DIXDC1: variants seen among roughly 807,000 people sequenced by gnomAD.
DIXDC1 encodes dixin.
Under a neutral mutation model 103.1 loss-of-function variants are expected in DIXDC1, and 64 were observed. That is an observed-to-expected ratio of 0.62 (90% confidence interval 0.51 to 0.76). DIXDC1 has a LOEUF of 0.76. Among genes scored for constraint, DIXDC1 ranks in the 30% least tolerant of loss-of-function variants. The pLI, the probability that DIXDC1 is intolerant of heterozygous loss-of-function variation, is 0.00. For synonymous variants in DIXDC1, 266 were observed against 298.5 expected (o/e 0.89, Z 1.12); for missense variants, 759 against 834.2 (o/e 0.91, Z 1.11).
chr11:111,945,592 T>G (rs1385236151), intron 1 of DIXDC1: 2 of 150,432 alleles, frequency 1.3e-5, no homozygotes, highest in East Asian at 3.9e-4. Flanking sequence ...TCCAGGGTCA[T>G]AATCAAAATA....
intron 9 of DIXDC1, among the ~76,000 whole-genome samples, chr11:111,987,205 G>A (rs868994665): frequency 4.0e-5 from 6 of 151,406 alleles, no homozygotes; most frequent in Non-Finnish European, 7.4e-5. Flanking sequence ...AGCAGAGATC[G>A]TGCCACTACA....
chr11:111,937,604 G>A (rs587755444), intron 1 of DIXDC1, 45 bp downstream of exon 1: 3 of 1,547,466 alleles, frequency 1.9e-6, no homozygotes, highest in Non-Finnish European at 2.6e-6. Flanking sequence ...CTCCCCCAGC[G>A]TCTCCCGCCC....
chr11:112,009,608 A>T (rs1415669905), intron 17 of DIXDC1, among the ~76,000 whole-genome samples: 1 of 152,202 alleles, frequency 6.6e-6, no homozygotes, highest in Admixed American at 6.5e-5. Context: ...AAGCTTATCC[A>T]CCACAATCAA....
Position 112,022,646 on chromosome 11 carries a change from T to G in DIXDC1, c.*3610T>G, listed in dbSNP as rs1005980525. ...ATTAATCAATAAAGCCATTTACATT[T>G]AGTGAAAGCAAATTTCCTCAAGTGA... On this transcript the variant is annotated 3_prime_UTR_variant, in exon 20 of 20. Coordinates refer to ENST00000440460, the MANE Select transcript of DIXDC1 (RefSeq NM_001037954.4). This position sits in a 1 kb window ranked among gnomAD's most constrained non-coding sequence, Gnocchi z 4.9. The G allele has an allele frequency of 6.6e-6, 1 of 152,670 alleles. No individual in the cohort carries two copies. The highest frequency in any genetic ancestry group is 1.5e-5 in the Non-Finnish European group (1 of 68,038). The allele number at this position is 152,670 out of a possible 1,614,324, so 9.5% of individuals were successfully genotyped here. A position where few individuals can be genotyped will look rare whatever the true frequency, so the allele number is the denominator to read the frequency against.
intron 17 of DIXDC1, among the ~76,000 whole-genome samples, chr11:112,005,954 G>A (rs1179365053): frequency 2.6e-5 from 4 of 152,164 alleles, no homozygotes; most frequent in South Asian, 2.1e-4. Context: ...TGTAGCCCAC[G>A]GAGGGTGAAC....
chr11:112,000,403 A>T (rs937707192), intron 17 of DIXDC1, among the ~76,000 whole-genome samples: 16 of 152,146 alleles, frequency 1.1e-4, no homozygotes, highest in Admixed American at 1.0e-3. Flanking sequence ...TCCAAAGAAG[A>T]TAAAGAAATG....
upstream of DIXDC1, chr11:111,937,127 CGGG>C (rs1966220377): frequency 2.0e-6 from 1 of 502,566 alleles, no homozygotes; most frequent in African/African-American, 7.8e-5. Context: ...TGCTGCGGCC[CGGG>C]CGGGGGGGGG....
At chr11:112,005,605 G>C (rs2137616190) in intron 17 of DIXDC1, among the ~76,000 whole-genome samples, 1 of 152,292 alleles carries the variant, frequency 6.6e-6, no homozygotes, top group African/African-American at 2.4e-5. Context: ...GGCTGAGGCA[G>C]GAGGATCACT....
At chr11:111,994,850 G>A (rs1034385474) in intron 14 of DIXDC1, among the ~76,000 whole-genome samples, 169 bp from the exon 15 acceptor site, 1 of 151,570 alleles carries the variant, frequency 6.6e-6, no homozygotes, top group Non-Finnish European at 1.5e-5. Context: ...GTGACCAAAA[G>A]GGGAAAAAAA....
rs944390878 is a variant in DIXDC1, at chr11:111,958,991, C to A, written c.61-5558C>A. Among the ~76,000 whole-genome samples, 3 of 152,084 alleles carry A rather than the reference C, an allele frequency of 2.0e-5. No homozygotes were observed. Among genetic ancestry groups the A allele is most frequent in the Non-Finnish European group, 4.4e-5 (3 of 68,002 alleles). On this transcript the variant is annotated intron_variant, in intron 1 of 19. Coordinates refer to ENST00000440460, the MANE Select transcript of DIXDC1 (RefSeq NM_001037954.4). This position sits in a 1 kb window ranked among gnomAD's most constrained non-coding sequence, Gnocchi z 4.2. Reference sequence around the variant, plus strand: ...ACTCTGCTGAGAGCTGAACACTCATCGGGACACCCTGGCTGTGGAGATGAG... The same window carrying A: ...ACTCTGCTGAGAGCTGAACACTCATAGGGACACCCTGGCTGTGGAGATGAG...
chr11:111,976,794 T>G lies in DIXDC1; in HGVS notation c.656+1811T>G, dbSNP rs1860112465. ...CCAGCCTGTTGCTCCGAAAACCGCA[T>G]ACCAGCCTCACATTGTAGCCAAGCA... is the stretch of plus-strand genomic sequence containing the variant. On this transcript the variant is annotated intron_variant, in intron 5 of 19. Coordinates refer to ENST00000440460, the MANE Select transcript of DIXDC1 (RefSeq NM_001037954.4). The surrounding 1 kb of genome is among the most constrained non-coding windows in gnomAD (Gnocchi z 4.3). The G allele has an allele frequency of 6.6e-6, 1 of 152,502 alleles. No individual in the cohort carries two copies. Among genetic ancestry groups the G allele is most frequent in the Non-Finnish European group, 1.5e-5 (1 of 68,204 alleles). The allele number at this position is 152,502 out of a possible 1,614,324, so 9.4% of individuals were successfully genotyped here. A position where few individuals can be genotyped will look rare whatever the true frequency, so the allele number is the denominator to read the frequency against.
chr11:112,014,369 C>T (rs1395182288), intron 17 of DIXDC1, among the ~76,000 whole-genome samples: 2 of 152,188 alleles, frequency 1.3e-5, no homozygotes, highest in Admixed American at 1.3e-4. Context: ...CACAACTTCC[C>T]AATGTATTCA....
intron 2 of DIXDC1, among the ~76,000 whole-genome samples, chr11:111,965,700 A>G (rs587751793): frequency 6.6e-6 from 1 of 152,360 alleles, no homozygotes; most frequent in South Asian, 2.1e-4. Flanking sequence ...CTTTTAGGAA[A>G]CAAGCTTAAA....
At chr11:111,987,660 AT>A (rs11397376) in intron 9 of DIXDC1, among the ~76,000 whole-genome samples, 9 of 139,204 alleles carry the variant, frequency 6.5e-5, no homozygotes, top group Admixed American at 7.3e-5. Flanking sequence ...ATAGACATGA[AT>A]TTTTTTTTTT....
At position 112,015,666 on chromosome 11, in the gene DIXDC1, G is replaced by A. The variant is rs186848391; in HGVS notation, c.1757-1025G>A. 1,040 of 152,064 alleles carry A rather than the reference G, an allele frequency of 6.8e-3. 5 individuals are homozygous for A. The highest frequency in any genetic ancestry group is 0.05 in the Middle Eastern group (15 of 298). 9.4% of individuals were successfully genotyped at this position (152,064 alleles called of 1,614,324 possible). On this transcript the variant is annotated intron_variant, in intron 17 of 19. Coordinates refer to ENST00000440460, the MANE Select transcript of DIXDC1 (RefSeq NM_001037954.4). ...AAAATACAAAAATTAGCTGGGCGTG[G>A]TGGCACACACCTGTTATCCCAGCTA...
At chr11:111,986,644 G>T (rs1860500629) in intron 8 of DIXDC1, among the ~76,000 whole-genome samples, 1 of 151,976 alleles carries the variant, frequency 6.6e-6, no homozygotes, top group Non-Finnish European at 1.5e-5. Flanking sequence ...GATTACAGAT[G>T]TGAGCCACCA....
chr11:111,984,828 T>C (rs1860436921), intron 7 of DIXDC1, among the ~76,000 whole-genome samples: 1 of 152,322 alleles, frequency 6.6e-6, no homozygotes, highest in East Asian at 1.9e-4. Flanking sequence ...TCCAAATGTA[T>C]TCCAAATAAT....
At chr11:111,981,696 A>G (rs1408522852) in intron 6 of DIXDC1, among the ~76,000 whole-genome samples, 3 of 152,240 alleles carry the variant, frequency 2.0e-5, no homozygotes, top group African/African-American at 7.2e-5. Flanking sequence ...AACTCACTGA[A>G]AGAGTTTATG....
chr11:111,974,922 C>T lies in DIXDC1; in HGVS notation c.595C>T (p.Arg199Trp), dbSNP rs782376690. 1.3e-5 allele frequency: 21 copies of T among 1,613,162 alleles called. No individual in the cohort carries two copies. The East Asian group carries it at 1.6e-4, about 12-fold the overall frequency. Residue 199 changes from arginine (R) to tryptophan (W), a missense_variant, in exon 5 of 20, where the codon CGG becomes TGG. Arg to Trp is a moderately radical substitution (Grantham distance 101). Around this residue, in one of 3 missense-constraint regions of DIXDC1, gnomAD observed 657 missense variants for 727.5 expected, o/e 0.90. Transcript: ENST00000440460. ...AATTGAGAATCCATACTGGAGTGTG[C>T]GGGCCCTAGTGCAGCAGTACGAAGG... is the stretch of plus-strand genomic sequence containing the variant. Reference protein sequence around the residue: ...EEIENPYWSVRALVQQYEGQQ... With the variant: ...EEIENPYWSVWALVQQYEGQQ...
Sources: gnomAD v4.1 joint callset for allele counts (sites outside exome capture counted in the v4.1 genomes callset) on GRCh38, gnomAD v4.1.1 for gene constraint, gnomAD v4.1.1 regional missense constraint, Gnocchi (gnomAD v3.1) non-coding constraint, MANE v1.5 for transcripts, NCBI Gene and HGNC (gene_info 2026-07-23, HGNC 2026-07-21) for gene names.